GULP1: variants seen among roughly 807,000 people sequenced by gnomAD.
GULP1 encodes the protein PTB domain-containing engulfment adapter protein 1.
GULP1 carries 19 observed loss-of-function variants against 40.9 expected under a neutral mutation model. The ratio of observed to expected loss-of-function variants is 0.46; its 90% CI spans 0.32 to 0.68. The LOEUF (loss-of-function observed/expected upper bound fraction) is 0.68, where lower values mean the gene tolerates loss of function less well. Ranked by LOEUF, GULP1 falls within the 30% of genes least tolerant of loss-of-function variation. The pLI is 0.03. For missense variants in GULP1, 312 were observed against 362.2 expected, an observed-to-expected ratio of 0.86 and a Z score of 1.12; for synonymous variants, 119 against 117.6, an observed-to-expected ratio of 1.01 and a Z score of -0.08.
At chr2:188,397,222 C>G (rs956902945) in intron 2 of GULP1, among the ~76,000 whole-genome samples, 3 of 152,200 alleles carry the variant, frequency 2.0e-5, no homozygotes, top group Admixed American at 1.3e-4. Flanking sequence ...AACAGTGCCT[C>G]CAGTCTGCCA....
intron 2 of GULP1, among the ~76,000 whole-genome samples, chr2:188,432,984 G>T (rs532820707): frequency 1.4e-4 from 21 of 152,198 alleles, no homozygotes; most frequent in African/African-American, 5.1e-4. Flanking sequence ...AGAAAAAAAT[G>T]TAAAAGATTG....
chr2:188,341,979 T>G (rs2043031507), intron 1 of GULP1, among the ~76,000 whole-genome samples: 1 of 152,234 alleles, frequency 6.6e-6, no homozygotes, highest in East Asian at 1.9e-4. Flanking sequence ...TACCTCTTTC[T>G]ATACACTCCT....
intron 7 of GULP1, among the ~76,000 whole-genome samples, chr2:188,548,295 T>C (rs1160823106): frequency 6.6e-6 from 1 of 152,080 alleles, no homozygotes; most frequent in Non-Finnish European, 1.5e-5. Context: ...ATAATTAACA[T>C]ACATGGATCA....
chr2:188,541,596 A>G, intron 7 of GULP1: 2 of 546,676 alleles, frequency 3.7e-6, no homozygotes, highest in Non-Finnish European at 6.4e-6. Flanking sequence ...CATGTATTTT[A>G]TAATAATTTA....
chr2:188,313,681 T>C (rs530342840), intron 1 of GULP1, among the ~76,000 whole-genome samples: 6 of 152,344 alleles, frequency 3.9e-5, no homozygotes, highest in South Asian at 4.1e-4. Flanking sequence ...GGGAATGTCA[T>C]TGAGTCTATG....
At chr2:188,542,790 T>C (rs1257225874) in intron 7 of GULP1, among the ~76,000 whole-genome samples, 1 of 152,200 alleles carries the variant, frequency 6.6e-6, no homozygotes. Context: ...TTGCAGATTC[T>C]TTTCTCTATG....
intron 5 of GULP1, among the ~76,000 whole-genome samples, chr2:188,526,642 T>C (rs1431043204): frequency 1.3e-5 from 2 of 152,060 alleles, no homozygotes; most frequent in Non-Finnish European, 1.5e-5. Context: ...CTGAATAAAA[T>C]ATAGATTGAA....
chr2:188,355,410 A>G (rs2045151544), intron 1 of GULP1, among the ~76,000 whole-genome samples: 1 of 152,086 alleles, frequency 6.6e-6, no homozygotes, highest in Non-Finnish European at 1.5e-5. Flanking sequence ...AACAGTATGC[A>G]AACAACTTGG....
At chr2:188,351,062 C>G (rs936261365) in intron 1 of GULP1, among the ~76,000 whole-genome samples, 1 of 151,892 alleles carries the variant, frequency 6.6e-6, no homozygotes, top group African/African-American at 2.4e-5. Context: ...ATGGAAAAGG[C>G]AGAAAATGGC....
At chr2:188,338,769 C>T (rs1463994816) in intron 1 of GULP1, among the ~76,000 whole-genome samples, 1 of 152,086 alleles carries the variant, frequency 6.6e-6, no homozygotes. Flanking sequence ...ATAATTTTCA[C>T]CACTCCCATC....
intron 1 of GULP1, among the ~76,000 whole-genome samples, chr2:188,359,761 C>T (rs745668925): frequency 1.3e-5 from 2 of 152,086 alleles, no homozygotes; most frequent in Non-Finnish European, 2.9e-5. Flanking sequence ...TTTTCCTTAG[C>T]ATGGTTTTGG....
intron 9 of GULP1, among the ~76,000 whole-genome samples, chr2:188,583,342 T>C (rs1462985238): frequency 6.6e-6 from 1 of 152,186 alleles, no homozygotes; most frequent in African/African-American, 2.4e-5. Flanking sequence ...ATTCTGAGAA[T>C]TCTAATTTTA....
intron 2 of GULP1, among the ~76,000 whole-genome samples, chr2:188,430,750 A>T (rs2056774395): frequency 6.6e-6 from 1 of 152,204 alleles, no homozygotes; most frequent in Non-Finnish European, 1.5e-5. Context: ...CCTCAAAGCC[A>T]GCAATACAAA....
chr2:188,504,802 T>G (rs1575650686), intron 4 of GULP1, among the ~76,000 whole-genome samples: 2 of 152,012 alleles, frequency 1.3e-5, no homozygotes, highest in East Asian at 3.9e-4. Context: ...GAATCATAAG[T>G]TAACTGGTTT....
chr2:188,543,197 AAAT>A (rs1308766687), intron 7 of GULP1, among the ~76,000 whole-genome samples: 14 of 152,280 alleles, frequency 9.2e-5, no homozygotes, highest in African/African-American at 2.9e-4. Context: ...ATAATTAAAA[AAAT>A]AAATAAAAAA....
chr2:188,385,105 C>A (rs938404748), intron 2 of GULP1, among the ~76,000 whole-genome samples: 1 of 152,168 alleles, frequency 6.6e-6, no homozygotes, highest in African/African-American at 2.4e-5. Flanking sequence ...GGGGCTCTGA[C>A]CCCACATTTG....
intron 2 of GULP1, among the ~76,000 whole-genome samples, chr2:188,414,832 T>C (rs566932053): frequency 6.6e-6 from 1 of 152,294 alleles, no homozygotes; most frequent in East Asian, 1.9e-4. Context: ...TTTAGGTAAT[T>C]AGAGTAATTT....
At chr2:188,563,572 TA>T (rs1352297117) in intron 7 of GULP1, among the ~76,000 whole-genome samples, 29 of 150,150 alleles carry the variant, frequency 1.9e-4, no homozygotes, top group Non-Finnish European at 3.7e-4. Context: ...TTTATATTTT[TA>T]AAAAAGATTC....
intron 2 of GULP1, among the ~76,000 whole-genome samples, chr2:188,413,868 A>G (rs1002485113): frequency 6.6e-6 from 1 of 152,094 alleles, no homozygotes; most frequent in African/African-American, 2.4e-5. Flanking sequence ...TCCTATTTCA[A>G]TTTTCTTGTT....
Sources: gnomAD v4.1 joint callset for allele counts (sites outside exome capture counted in the v4.1 genomes callset) on GRCh38, gnomAD v4.1.1 for gene constraint, MANE v1.5 for transcripts, NCBI Gene and HGNC (gene_info 2026-07-23, HGNC 2026-07-21) for gene names.